Variants in FARP1 observed in about 807,000 individuals in gnomAD.
FARP1 encodes FERM, ARH/RhoGEF and pleckstrin domain protein 1.
A neutral mutation model predicts 128.8 loss-of-function variants in FARP1; 52 were observed. That is an observed-to-expected ratio of 0.40 (90% confidence interval 0.32 to 0.51). The LOEUF (loss-of-function observed/expected upper bound fraction) is 0.51. Among genes scored for constraint, FARP1 ranks in the 20% least tolerant of loss-of-function variants. The pLI is 0.45. For synonymous variants in FARP1, 580 were observed against 551.8 expected, an observed-to-expected ratio of 1.05 and a Z score of -0.72; for missense variants, 1,333 against 1,367.9, an observed-to-expected ratio of 0.97 and a Z score of 0.40.
At chr13:98,441,408 C>T (rs905503503) in intron 24 of FARP1, among the ~76,000 whole-genome samples, 2 of 152,186 alleles carry the variant, frequency 1.3e-5, no homozygotes, top group South Asian at 2.1e-4. Context: ...CCCAGAGGTC[C>T]GGCGAAAACC....
intron 3 of FARP1, among the ~76,000 whole-genome samples, chr13:98,360,749 G>T (rs1384475214): frequency 6.6e-6 from 1 of 152,176 alleles, no homozygotes; most frequent in Admixed American, 6.5e-5. Flanking sequence ...CTACTGATGG[G>T]CAATGAGATT....
intron 2 of FARP1, among the ~76,000 whole-genome samples, chr13:98,260,545 C>G (rs1387867719): frequency 5.9e-5 from 9 of 152,208 alleles, no homozygotes; most frequent in Admixed American, 4.6e-4. Flanking sequence ...TCCAGCTCAA[C>G]TCTGGGCCTG....
intron 2 of FARP1, among the ~76,000 whole-genome samples, chr13:98,319,330 C>T (rs956788328): frequency 7.8e-6 from 1 of 128,812 alleles, no homozygotes; most frequent in African/African-American, 3.0e-5. Flanking sequence ...AGAAAATAAT[C>T]AGTTCGTCAG....
rs141304303 is a variant in FARP1 at position 98,446,163 on chromosome 13, G to A, written c.2862G>A (p.Val954=). 1 of 1,614,004 alleles carries A rather than the reference G, an allele frequency of 6.2e-7. No homozygotes were observed. Among genetic ancestry groups the A allele is most frequent in the East Asian group, 2.2e-5 (1 of 44,880 alleles). The stretch of plus-strand genomic sequence containing the variant: ...GCAACGGGTGGCAGAAGCTGTGGGT[G>A]GTGTTCACAAACTTCTGCCTGTTCT... ...KNSNGWQKLW[V]VFTNFCLFFY... The change falls in exon 25 of 27, where the codon GTG becomes GTA. Residue 954 remains valine, a synonymous_variant. Transcript: ENST00000319562.
chr13:98,391,242 A>G (rs1413866946), intron 11 of FARP1, among the ~76,000 whole-genome samples: 1 of 152,214 alleles, frequency 6.6e-6, no homozygotes, highest in Non-Finnish European at 1.5e-5. Flanking sequence ...GTCTATGAAC[A>G]TTTTAATTAA....
At chr13:98,243,560 TGGTGGTGGGC>T (rs1882897637) in intron 2 of FARP1, among the ~76,000 whole-genome samples, 1 of 151,262 alleles carries the variant, frequency 6.6e-6, no homozygotes, top group Admixed American at 6.6e-5. Flanking sequence ...TAGCCGGGCG[TGGTGGTGGGC>T]GCCTGTAATC....
At chr13:98,291,301 G>A (rs562900451) in intron 2 of FARP1, among the ~76,000 whole-genome samples, 51 of 152,262 alleles carry the variant, frequency 3.3e-4, no homozygotes, top group South Asian at 1.0e-3. Context: ...TGGATCATCC[G>A]AAAGGCCTTC....
At chr13:98,309,153 CTTTTTTTTTTTTTTTTT>C (rs56030081) in intron 2 of FARP1, among the ~76,000 whole-genome samples, 1 of 89,670 alleles carries the variant, frequency 1.1e-5, no homozygotes, top group Non-Finnish European at 2.1e-5. Flanking sequence ...TTTAAGAGGC[CTTTTTTTTTTTTTTTTT>C]TTTTTTTTTT....
At chr13:98,313,450 A>T (rs1886581020) in intron 2 of FARP1, among the ~76,000 whole-genome samples, 1 of 152,222 alleles carries the variant, frequency 6.6e-6, no homozygotes, top group African/African-American at 2.4e-5. Context: ...CAGCGCCACC[A>T]GGAGAGGCAT....
At position 98,379,153 on chromosome 13, in the gene FARP1, T is replaced by TGTATAATCTATATATA. The variant is rs1555342095; in HGVS notation, c.496+1235_496+1236insGTATAATCTATATATA. On this transcript the variant is annotated intron_variant, in intron 6 of 26. Transcript: ENST00000319562. ...TATATAATATATAATCTATATATAA[T>TGTATAATCTATATATA]ATATATATAATATATAATCTATATA... Among the ~76,000 whole-genome samples the TGTATAATCTATATATA allele has an allele frequency of 5.7e-3, 414 of 72,984 alleles. 150 individuals are homozygous for TGTATAATCTATATATA. The highest frequency in any genetic ancestry group is 0.039 in the African/African-American group (402 of 10,264). The allele number at this position is 72,984 out of a possible 152,430, so 47.9% of individuals were successfully genotyped here. A position where few individuals can be genotyped will look rare whatever the true frequency, so the allele number is the denominator to read the frequency against.
chr13:98,390,229 C>T lies in FARP1; in HGVS notation c.1019+109C>T. 7.3e-6 allele frequency: 9 copies of T among 1,230,116 alleles called. No individual in the cohort carries two copies. In the South Asian group the frequency reaches 1.3e-4, roughly 18 times the overall value. 76.2% of individuals were successfully genotyped at this position (1,230,116 alleles called of 1,614,324 possible). A position where few individuals can be genotyped will look rare whatever the true frequency, so the allele number is the denominator to read the frequency against. ...CAGGGAGGTGAACGCTCATTGGCCT[C>T]CAGGAGCTATGGCCAAGCGGGGGCG... On this transcript the variant is annotated intron_variant, in intron 10 of 26. Coordinates refer to ENST00000319562, the MANE Select transcript of FARP1 (RefSeq NM_005766.4).
intron 2 of FARP1, among the ~76,000 whole-genome samples, chr13:98,321,611 G>A (rs1282407293): frequency 2.0e-5 from 3 of 152,174 alleles, no homozygotes; most frequent in Non-Finnish European, 2.9e-5. Flanking sequence ...ACTTTAATAT[G>A]GAGGCAGAGA....
chr13:98,191,199 T>G (rs1879208000), intron 1 of FARP1, among the ~76,000 whole-genome samples: 2 of 152,186 alleles, frequency 1.3e-5, no homozygotes, highest in Admixed American at 1.3e-4. Flanking sequence ...TCCAGGAGCT[T>G]CAACCTGTAG....
chr13:98,244,598 T>G (rs2139461987), intron 2 of FARP1: 1 of 1,614,220 alleles, frequency 6.2e-7, no homozygotes, highest in Middle Eastern at 1.6e-4. Context: ...TTGAGAAGTT[T>G]GGAGAGGACA....
intron 1 of FARP1, among the ~76,000 whole-genome samples, chr13:98,201,640 G>A (rs886270630): frequency 1.1e-4 from 16 of 152,082 alleles, no homozygotes; most frequent in African/African-American, 3.9e-4. Flanking sequence ...AAAGGGATAT[G>A]GGTAGAACTG....
chr13:98,304,922 A>G (rs114273636), intron 2 of FARP1, among the ~76,000 whole-genome samples: 183 of 152,316 alleles, frequency 1.2e-3, no homozygotes, highest in African/African-American at 4.2e-3. Flanking sequence ...AAAGAAATAC[A>G]CTTGAATTCT....
chr13:98,358,760 C>T lies in FARP1; in HGVS notation c.277-6635C>T, dbSNP rs188829540. Among the ~76,000 whole-genome samples, 26 of 152,116 alleles carry T rather than the reference C, an allele frequency of 1.7e-4. No individual in the cohort carries two copies. The East Asian group carries it at 3.9e-3, about 23-fold the overall frequency. The stretch of plus-strand genomic sequence containing the variant: ...AAGTGATTCTCCTGCCTCAGCCTCT[C>T]GAGTAGTTGGGACTACAGGCACCTG... On this transcript the variant is annotated intron_variant, in intron 3 of 26. Transcript: ENST00000319562.
intron 1 of FARP1, among the ~76,000 whole-genome samples, chr13:98,205,311 G>A (rs1251417612): frequency 2.6e-5 from 4 of 151,088 alleles, no homozygotes; most frequent in Non-Finnish European, 5.9e-5. Context: ...TTTTTTTCCT[G>A]TTCTATTCTT....
intron 2 of FARP1, among the ~76,000 whole-genome samples, chr13:98,286,497 AG>A (rs1199036456): frequency 6.6e-6 from 1 of 152,266 alleles, no homozygotes. Context: ...TGGTTTTATA[AG>A]GGGGTTCTGC....
Sources: allele counts gnomAD v4.1 joint callset (sites outside exome capture counted in the v4.1 genomes callset), GRCh38; gene constraint gnomAD v4.1.1; transcripts MANE v1.5; gene names NCBI Gene and HGNC (gene_info 2026-07-23, HGNC 2026-07-21).